The following NR1D1 variants were observed in gnomAD, a reference collection of about 807,000 sequenced individuals.
NR1D1 encodes Rev-ErbAalpha.
Under a neutral mutation model 51.1 loss-of-function variants are expected in NR1D1, and 17 were observed. That is an observed-to-expected ratio of 0.33 (90% CI 0.23 to 0.50). The LOEUF is 0.50. NR1D1 is among the 20% of genes least tolerant of loss of function. The probability of loss-of-function intolerance (pLI) is 0.98; values close to 1 mark genes in which losing one functional copy is unlikely to be tolerated. For missense variants in NR1D1, 647 were observed against 830.4 expected, an observed-to-expected ratio of 0.78 and a Z score of 2.71; for synonymous variants, 341 against 333.4, an observed-to-expected ratio of 1.02 and a Z score of -0.25.
chr17:40,097,127 A>G lies in NR1D1; in HGVS notation c.308T>C (p.Leu103Pro), dbSNP rs1206702974. The G allele has an allele frequency of 6.2e-7, 1 of 1,610,750 alleles. No individual in the cohort carries two copies. Among genetic ancestry groups the G allele is most frequent in the Non-Finnish European group, 8.5e-7 (1 of 1,178,234 alleles). Residue 103 changes from leucine (L) to proline (P), a missense_variant, in exon 2 of 8, where the codon CTA becomes CCA. Leu to Pro is a moderately conservative substitution (Grantham distance 98). This residue lies in a region of NR1D1 where 98 missense variants were observed against 94.7 expected (regional missense o/e 1.03). Transcript: ENST00000246672. Reference protein sequence around the residue: ...SFYNGSPPGSLQVAMEDSSRV... With the variant: ...SFYNGSPPGSPQVAMEDSSRV... ...GCTGCTGTCCTCCATGGCCACTTGT[A>G]GACTCCCAGGGGGGCTCCCATTATA...
chr17:40,092,800 T>G lies in NR1D1; in HGVS notation c.*283A>C. The G allele has an allele frequency of 1.7e-6, 1 of 593,614 alleles. No homozygotes were observed. The highest frequency in any genetic ancestry group is 2.7e-6 in the Non-Finnish European group (1 of 373,712). 36.8% of individuals were successfully genotyped at this position (593,614 alleles called of 1,614,324 possible). ...CACACCACAGAAGCCAGCTCAGCTGTGAACTATTGGATTTGAGACAGGAAC... is the reference window on the plus strand; with the variant it reads ...CACACCACAGAAGCCAGCTCAGCTGGGAACTATTGGATTTGAGACAGGAAC... On this transcript the variant is annotated 3_prime_UTR_variant, in exon 8 of 8. Coordinates refer to ENST00000246672, the MANE Select transcript of NR1D1 (RefSeq NM_021724.5).
chr17:40,092,992 G>A lies in NR1D1; in HGVS notation c.*91C>T, dbSNP rs1987641472. 2 of 1,598,164 alleles carry A rather than the reference G, an allele frequency of 1.3e-6. No homozygotes were observed. Among genetic ancestry groups the A allele is most frequent in the Non-Finnish European group, 1.7e-6 (2 of 1,168,596 alleles). On this transcript the variant is annotated 3_prime_UTR_variant, in exon 8 of 8. Coordinates refer to ENST00000246672, the MANE Select transcript of NR1D1 (RefSeq NM_021724.5). ...TTATAACAATATAAATAAGATTCTG[G>A]TTTGCTTTTCCTTTTCGTCTCGTAA...
chr17:40,095,126 G>A lies in NR1D1; in HGVS notation c.1249-6C>T, dbSNP rs200045285. 14 of 1,598,988 alleles carry A rather than the reference G, an allele frequency of 8.8e-6. No individual in the cohort carries two copies. In the East Asian group the frequency reaches 2.2e-4, roughly 26 times the overall value. ...TACATGTTCATAGGACATGCCTGGG[G>A]GAGGAAAAGATTGAAGGAGGGGAGT... On this transcript the variant is annotated splice_region_variant and splice_polypyrimidine_tract_variant and intron_variant, in intron 5 of 7. Transcript: ENST00000246672.
intron 1 of NR1D1, among the ~76,000 whole-genome samples, chr17:40,098,759 G>A (rs569474469): frequency 3.3e-4 from 51 of 152,304 alleles, no homozygotes; most frequent in African/African-American, 1.2e-3. Flanking sequence ...CCCTTAGTAG[G>A]CAAACTGCAG....
Position 40,096,737 on chromosome 17 carries a change from A to G in NR1D1, c.413T>C (p.Val138Ala). The G allele has an allele frequency of 6.2e-7, 1 of 1,614,212 alleles. No individual in the cohort carries two copies. The highest frequency in any genetic ancestry group is 8.5e-7 in the Non-Finnish European group (1 of 1,180,036). The change falls in exon 3 of 8, where the codon GTT becomes GCT. Residue 138 changes from valine to alanine, a missense_variant. Physicochemically the swap from Val to Ala is moderately conservative, Grantham distance 64. Around this residue, in one of 7 missense-constraint regions of NR1D1, gnomAD observed 70 missense variants for 134.8 expected, o/e 0.52. Transcript: ENST00000246672. ...MVLLCKVCGD[V>A]ASGFHYGVHA... is the part of the protein sequence containing the mutation. ...CACACCGTAGTGGAAGCCCGAGGCA[A>G]CGTCCCCACACACTTTACACAGTAA... is the stretch of plus-strand genomic sequence containing the variant.
rs201804757 is a variant in NR1D1 at position 40,093,280 on chromosome 17, G to A, written c.1648C>T (p.Arg550Cys). Residue 550 changes from arginine to cysteine, a missense_variant and splice_region_variant, in exon 8 of 8, where the codon CGC (arginine) becomes TGC (cysteine). Arg to Cys is a radical substitution (Grantham distance 180). Transcript: ENST00000246672. The surrounding 1 kb of genome is among the most constrained non-coding windows in gnomAD (Gnocchi z 5.9). Reference protein sequence around the residue: ...FTAVVLVSADRSGMENSASVE... With the variant: ...FTAVVLVSADCSGMENSASVE... Reference sequence around the variant, plus strand: ...GAAGCGGAATTCTCCATGCCCGAGCGGTCTGTGGGGAAGACGACAGCAGTG... The same window carrying A: ...GAAGCGGAATTCTCCATGCCCGAGCAGTCTGTGGGGAAGACGACAGCAGTG... 3.1e-6 allele frequency: 5 copies of A among 1,613,534 alleles called. No individual in the cohort carries two copies. Among genetic ancestry groups the A allele is most frequent in the East Asian group, 2.2e-5 (1 of 44,902 alleles).
At position 40,092,944 on chromosome 17, in the gene NR1D1, C is replaced by T; in HGVS notation, c.*139G>A. ...GGTATTTACAAGAAGGCTCAGGGGG[C>T]CAGAGGCTCATCTTGGAATATTTTA... On this transcript the variant is annotated 3_prime_UTR_variant, in exon 8 of 8. Coordinates refer to ENST00000246672, the MANE Select transcript of NR1D1 (RefSeq NM_021724.5). 1 of 1,540,760 alleles carries T rather than the reference C, an allele frequency of 6.5e-7. No individual in the cohort carries two copies. Among genetic ancestry groups the T allele is most frequent in the Non-Finnish European group, 8.8e-7 (1 of 1,142,534 alleles).
At position 40,100,277 on chromosome 17, in the gene NR1D1, G is replaced by A. The variant is rs201872540; in HGVS notation, c.-183C>T. 1.8e-4 allele frequency: 114 copies of A among 638,500 alleles called. No homozygotes were observed. The highest frequency in any genetic ancestry group is 1.3e-4 in the Non-Finnish European group (46 of 354,164). 39.6% of individuals were successfully genotyped at this position (638,500 alleles called of 1,614,324 possible). On this transcript the variant is annotated 5_prime_UTR_variant, in exon 1 of 8. Coordinates refer to ENST00000246672, the MANE Select transcript of NR1D1 (RefSeq NM_021724.5). ...GGCCGGACTGCAGCCCTGCAGAAGG[G>A]TTGGACGTTGAGGCAACGGAGTTCT...
rs199751377 is a variant in NR1D1, at chr17:40,096,451, G to A, written c.596C>T (p.Ser199Phe). The A allele has an allele frequency of 6.2e-7, 1 of 1,614,254 alleles. No homozygotes were observed. The highest frequency in any genetic ancestry group is 8.5e-7 in the Non-Finnish European group (1 of 1,180,036). The stretch of plus-strand genomic sequence containing the variant: ...TGGGGATGCTGCCTCACCGTCTCGA[G>A]ACATGCCCACAGAGAGACACTTCTT... ...RFKKCLSVGM[S>F]RDAVRFGRIP... Residue 199 changes from serine (S) to phenylalanine (F), a missense_variant, in exon 4 of 8, where the codon TCT becomes TTT. Ser to Phe is a radical substitution (Grantham distance 155, BLOSUM62 -2). Coordinates refer to ENST00000246672, the MANE Select transcript of NR1D1 (RefSeq NM_021724.5).
At position 40,095,505 on chromosome 17, in the gene NR1D1, G is replaced by A. The variant is rs369941153; in HGVS notation, c.1187C>T (p.Ala396Val). 27 of 1,566,166 alleles carry A rather than the reference G, an allele frequency of 1.7e-5. No individual in the cohort carries two copies. The highest frequency in any genetic ancestry group is 2.3e-5 in the Non-Finnish European group (27 of 1,155,012). ...HRLCPTHVYA[A>V]PEGKAPANSP... is the part of the protein sequence containing the mutation. ...GTTGGCAGGTGCCTTGCCTTCTGGG[G>A]CTGCATACACGTGGGTGGGGCATAG... The change falls in exon 5 of 8, where the codon GCC (alanine) becomes GTC (valine). Residue 396 changes from alanine (A) to valine (V), a missense_variant. By Grantham distance (64) the Ala-to-Val change is moderately conservative (BLOSUM62 0). Around this residue, in one of 7 missense-constraint regions of NR1D1, gnomAD observed 185 missense variants for 176.3 expected, o/e 1.05. Coordinates refer to ENST00000246672, the MANE Select transcript of NR1D1 (RefSeq NM_021724.5).
rs148810425 is a variant in NR1D1, at chr17:40,096,515, C to T, written c.532G>A (p.Val178Ile). ...TGGCAGCGGTTGCGATTGATGCGGACGATGGAGCAATTCTCATTCTTCAGA... is the reference window on the plus strand; with the variant it reads ...TGGCAGCGGTTGCGATTGATGCGGATGATGGAGCAATTCTCATTCTTCAGA... Reference protein sequence around the residue: ...RCLKNENCSIVRINRNRCQQC... With the variant: ...RCLKNENCSIIRINRNRCQQC... Residue 178 changes from valine (V) to isoleucine (I), a missense_variant, in exon 4 of 8, where the codon GTC (valine) becomes ATC (isoleucine). Physicochemically the swap from Val to Ile is conservative, Grantham distance 29. Transcript: ENST00000246672. 66 of 1,614,030 alleles carry T rather than the reference C, an allele frequency of 4.1e-5. No homozygotes were observed. The highest frequency in any genetic ancestry group is 1.0e-4 in the Admixed American group (6 of 60,004).
In NR1D1 at chr17:40,095,540, G is replaced by T. The variant is rs193074453; in HGVS notation, c.1152C>A (p.Asn384Lys). The T allele has an allele frequency of 2.9e-5, 46 of 1,603,784 alleles. No homozygotes were observed. Among genetic ancestry groups the T allele is most frequent in the African/African-American group, 2.3e-4 (17 of 74,828 alleles). Residue 384 changes from asparagine (N) to lysine (K), a missense_variant, in exon 5 of 8, where the codon AAC becomes AAA. By Grantham distance (94) the Asn-to-Lys change is moderately conservative. Transcript: ENST00000246672. ...CGTGGGTGGGGCATAGACGGTGCCC[G>T]TTGCTGTTGGACTGGTGGCAGCTGT... ...AHHSCHQSNSNGHRLCPTHVY... is the reference protein window; with the variant it reads ...AHHSCHQSNSKGHRLCPTHVY...
rs139763848 is a variant in NR1D1 at position 40,099,462 on chromosome 17, A to C, written c.31+602T>G. Among the ~76,000 whole-genome samples the C allele has an allele frequency of 5.9e-5, 9 of 152,210 alleles. No homozygotes were observed. In the East Asian group the frequency reaches 1.7e-3, roughly 30 times the overall value. On this transcript the variant is annotated intron_variant, in intron 1 of 7. Transcript: ENST00000246672. ...AGCACGTGGGCCCGGCTCTAGAGCC[A>C]TGTGAGCCCTCCCGGCGGCCGGAGC...
In NR1D1 at chr17:40,094,970, C is replaced by A; in HGVS notation, c.1399G>T (p.Asp467Tyr). 1.2e-6 allele frequency: 2 copies of A among 1,614,116 alleles called. No individual in the cohort carries two copies. The highest frequency in any genetic ancestry group is 2.2e-5 in the South Asian group (2 of 91,064). The change falls in exon 6 of 8, where the codon GAC becomes TAC. Residue 467 changes from aspartate to tyrosine, a missense_variant. Around this residue, in one of 7 missense-constraint regions of NR1D1, gnomAD observed 155 missense variants for 236.8 expected, o/e 0.65. Coordinates refer to ENST00000246672, the MANE Select transcript of NR1D1 (RefSeq NM_021724.5). Reference sequence around the variant, plus strand: ...CCAGCCTTAAGCAGGGTGACTTGGTCATGCTGAGAAAGGTCACGGAAGCCC... The same window carrying A: ...CCAGCCTTAAGCAGGGTGACTTGGTAATGCTGAGAAAGGTCACGGAAGCCC... ...IPGFRDLSQH[D>Y]QVTLLKAGTF...
intron 1 of NR1D1, among the ~76,000 whole-genome samples, 181 bp downstream of exon 1, chr17:40,099,883 A>G (rs1385023665): frequency 6.6e-6 from 1 of 152,016 alleles, no homozygotes; most frequent in South Asian, 2.1e-4. Context: ...GGCGTTTCTG[A>G]GAGCATTTCC....
In NR1D1 at chr17:40,095,105, T is replaced by C. The variant is rs140172310; in HGVS notation, c.1264A>G (p.Met422Val). The C allele has an allele frequency of 4.2e-4, 681 of 1,612,596 alleles. 1 individual carries two copies. Among genetic ancestry groups the C allele is most frequent in the Middle Eastern group, 1.7e-3 (10 of 6,034 alleles). ...CGCCCACTGCGTCCATGCGGGTACA[T>C]GTTCATAGGACATGCCTGGGGGAGG... ...KNVLLACPMNMYPHGRSGRTV... is the reference protein window; with the variant it reads ...KNVLLACPMNVYPHGRSGRTV... Residue 422 changes from methionine to valine, a missense_variant, in exon 6 of 8, where the codon ATG becomes GTG. Transcript: ENST00000246672.
In NR1D1 at chr17:40,093,519, C is replaced by T. The variant is rs1987671540; in HGVS notation, c.1646-237G>A. ...GGTCACCTCCCATCCCGTAAGACCA[C>T]CTTCCCTTCCTCAGCAGGCCAAACA... On this transcript the variant is annotated intron_variant, in intron 7 of 7. Transcript: ENST00000246672. The surrounding 1 kb of genome is among the most constrained non-coding windows in gnomAD (Gnocchi z 5.9). 3 of 1,341,402 alleles carry T rather than the reference C, an allele frequency of 2.2e-6. No homozygotes were observed. Among genetic ancestry groups the T allele is most frequent in the South Asian group, 1.5e-5 (1 of 65,416 alleles). 83.1% of individuals were successfully genotyped at this position (1,341,402 alleles called of 1,614,324 possible). A position where few individuals can be genotyped will look rare whatever the true frequency, so the allele number is the denominator to read the frequency against.
At position 40,095,703 on chromosome 17, in the gene NR1D1, C is replaced by A. The variant is rs201629615; in HGVS notation, c.989G>T (p.Arg330Leu). The A allele has an allele frequency of 1.2e-6, 2 of 1,612,402 alleles. No homozygotes were observed. The highest frequency in any genetic ancestry group is 1.7e-6 in the Non-Finnish European group (2 of 1,179,032). The change falls in exon 5 of 8, where the codon CGC becomes CTC. Residue 330 changes from arginine to leucine, a missense_variant. This residue lies in a region of NR1D1 where 185 missense variants were observed against 176.3 expected (regional missense o/e 1.05). Transcript: ENST00000246672. ...SGSPPATTPH[R>L]WENQGCPPAP... ...AGGTGGGCAGCCCTGATTTTCCCAGCGATGTGGGGTGGTGGCTGGAGGGCT... is the reference window on the plus strand; with the variant it reads ...AGGTGGGCAGCCCTGATTTTCCCAGAGATGTGGGGTGGTGGCTGGAGGGCT...
chr17:40,099,701 C>A (rs1011101294), intron 1 of NR1D1, among the ~76,000 whole-genome samples: 1 of 152,162 alleles, frequency 6.6e-6, no homozygotes, highest in East Asian at 1.9e-4. Flanking sequence ...TTTCTGAGGC[C>A]AGGCATACTA....
Sources: gnomAD v4.1 joint callset for allele counts (sites outside exome capture counted in the v4.1 genomes callset) on GRCh38, gnomAD v4.1.1 for gene constraint, gnomAD v4.1.1 regional missense constraint, Gnocchi (gnomAD v3.1) non-coding constraint, MANE v1.5 for transcripts, NCBI Gene and HGNC (gene_info 2026-07-23, HGNC 2026-07-21) for gene names.